The following LARGE1 variants were observed in gnomAD, a reference collection of about 807,000 sequenced individuals.
LARGE1 encodes the protein xylosyl- and glucuronyltransferase LARGE1.
A neutral mutation model predicts 87.6 loss-of-function variants in LARGE1; 43 were observed. That is an observed-to-expected ratio of 0.49 (90% CI 0.38 to 0.63). The LOEUF (loss-of-function observed/expected upper bound fraction) is 0.63. Among genes scored for constraint, LARGE1 ranks in the 30% least tolerant of loss-of-function variants. The pLI is 0.00. For synonymous variants in LARGE1, 434 were observed against 394.6 expected, an observed-to-expected ratio of 1.10 and a Z score of -1.18; for missense variants, 802 against 1,000.2, an observed-to-expected ratio of 0.80 and a Z score of 2.67.
At chr22:33,817,551 G>C (rs2086691889) in intron 1 of LARGE1, among the ~76,000 whole-genome samples, 2 of 152,044 alleles carry the variant, frequency 1.3e-5, no homozygotes, top group Admixed American at 6.6e-5. Flanking sequence ...CCAATCCACT[G>C]CAGAAAAGAG....
At chr22:33,303,815 G>GC (rs368485389) in intron 12 of LARGE1, among the ~76,000 whole-genome samples, 8 of 150,892 alleles carry the variant, frequency 5.3e-5, no homozygotes, top group Admixed American at 2.6e-4. Flanking sequence ...AGTAGGGGGG[G>GC]GGTTTCACCA....
the LARGE1 span, among the ~76,000 whole-genome samples, chr22:33,091,206 A>G: frequency 6.6e-6 from 1 of 152,248 alleles, no homozygotes; most frequent in African/African-American, 2.4e-5. Flanking sequence ...CTGCAGGTCT[A>G]TATATTTGAT....
chr22:33,413,393 A>T (rs112084271), intron 7 of LARGE1, among the ~76,000 whole-genome samples: 95 of 151,860 alleles, frequency 6.3e-4, no homozygotes, highest in African/African-American at 1.8e-3. Context: ...TATATATGCC[A>T]TATGATATCC....
downstream of LARGE1, among the ~76,000 whole-genome samples, chr22:33,158,503 C>T (rs1296614653): frequency 2.0e-5 from 3 of 152,024 alleles, no homozygotes; most frequent in South Asian, 2.1e-4. Flanking sequence ...TAACATCTTC[C>T]CTCTAGCTTT....
rs986185712 is a variant in LARGE1 at position 33,292,952 on chromosome 22, A to G, written c.1731-9604T>C. Among the ~76,000 whole-genome samples, 4 of 152,364 alleles carry G rather than the reference A, an allele frequency of 2.6e-5. No individual in the cohort carries two copies. The South Asian group carries it at 8.3e-4, about 32-fold the overall frequency. On this transcript the variant is annotated intron_variant, in intron 12 of 14. Coordinates refer to ENST00000397394, the MANE Select transcript of LARGE1 (RefSeq NM_133642.5). ...ACTAAGATAATATATTCATCAATTAATGAATATTAATGAAGCCAACACCTA... is the reference window on the plus strand; with the variant it reads ...ACTAAGATAATATATTCATCAATTAGTGAATATTAATGAAGCCAACACCTA...
intron 2 of LARGE1, among the ~76,000 whole-genome samples, chr22:33,740,547 T>G (rs9609862): frequency 6.6e-6 from 1 of 152,230 alleles, no homozygotes; most frequent in African/African-American, 2.4e-5. Context: ...GTCTTAATCT[T>G]AGTGTCTTTC....
At chr22:33,084,661 A>C in the LARGE1 span, among the ~76,000 whole-genome samples, 1 of 152,186 alleles carries the variant, frequency 6.6e-6, no homozygotes. Flanking sequence ...TCTCAAAAAA[A>C]ACAAAACAAA....
At chr22:33,259,869 T>C (rs1230395614) in intron 11 of LARGE1, among the ~76,000 whole-genome samples, 1 of 152,218 alleles carries the variant, frequency 6.6e-6, no homozygotes, top group Non-Finnish European at 1.5e-5. Flanking sequence ...ATCTACCACA[T>C]GCATCTGGTA....
At chr22:33,819,753 T>C (rs921671382) in intron 1 of LARGE1, among the ~76,000 whole-genome samples, 29 of 152,242 alleles carry the variant, frequency 1.9e-4, no homozygotes, top group African/African-American at 5.5e-4. Flanking sequence ...AAAATCTCTG[T>C]AACCCTAAGG....
At chr22:33,690,304 T>C (rs1440586935) in intron 2 of LARGE1, among the ~76,000 whole-genome samples, 1 of 152,172 alleles carries the variant, frequency 6.6e-6, no homozygotes, top group African/African-American at 2.4e-5. Flanking sequence ...GTTTCCTCCT[T>C]TATAAACTGA....
At chr22:33,505,280 G>A (rs2070708506) in intron 6 of LARGE1, among the ~76,000 whole-genome samples, 1 of 152,242 alleles carries the variant, frequency 6.6e-6, no homozygotes, top group South Asian at 2.1e-4. Context: ...TGTAGCCTCT[G>A]CAGAGGCTGG....
intron 11 of LARGE1, among the ~76,000 whole-genome samples, chr22:33,172,450 ACT>A (rs137349): frequency 0.7 from 103,777 of 149,224 alleles, 37,236 homozygotes; most frequent in African/African-American, 0.92. Context: ...TCCCCTGCTC[ACT>A]CTCTCTCTCT....
Position 33,743,780 on chromosome 22 carries a change from T to C in LARGE1, c.106+17591A>G, listed in dbSNP as rs539231235. 8.2e-4 allele frequency among the ~76,000 whole-genome samples: 125 copies of C among 152,358 alleles called. No homozygotes were observed. In the Middle Eastern group the frequency reaches 0.014, roughly 17 times the overall value. On this transcript the variant is annotated intron_variant, in intron 2 of 14. Coordinates refer to ENST00000397394, the MANE Select transcript of LARGE1 (RefSeq NM_133642.5). ...GTCCTCGACTTGTCACATGGCTATT[T>C]AGTGATGAAGTTCATTATTCTACAA...
intron 4 of LARGE1, among the ~76,000 whole-genome samples, chr22:33,625,622 T>C (rs977375377): frequency 6.6e-6 from 1 of 152,216 alleles, no homozygotes; most frequent in Non-Finnish European, 1.5e-5. Flanking sequence ...AGACATTTAT[T>C]TTCCCACTGT....
chr22:33,401,700 C>T (rs867633536), intron 7 of LARGE1, among the ~76,000 whole-genome samples: 2 of 152,248 alleles, frequency 1.3e-5, no homozygotes, highest in South Asian at 2.1e-4. Flanking sequence ...AGATTATAGA[C>T]GTAGGGAGAG....
Position 33,248,189 on chromosome 22 carries a change from A to G in LARGE1, c.1730+56040T>C, listed in dbSNP as rs371705526. Among the ~76,000 whole-genome samples the G allele has an allele frequency of 2.0e-5, 3 of 151,640 alleles. No homozygotes were observed. In the East Asian group the frequency reaches 5.8e-4, roughly 29 times the overall value. On this transcript the variant is annotated intron_variant, in intron 11 of 11. Transcript: ENST00000608642. ...GCCACCTTCCCCAACACTTGTAGAC[A>G]TTTTTTTTATTTTTTTGAGATGGAG...
Position 33,686,981 on chromosome 22 carries a change from C to T in LARGE1, c.107-36313G>A, listed in dbSNP as rs573995199. Among the ~76,000 whole-genome samples, 81 of 152,310 alleles carry T rather than the reference C, an allele frequency of 5.3e-4. 1 individual carries two copies. The highest frequency in any genetic ancestry group is 6.8e-3 in the Middle Eastern group (2 of 294). ...TCCTTGCTAGCATCTGTGAGGCCCCCGATCACGGATGCTGACCTAACTCTC... is the reference window on the plus strand; with the variant it reads ...TCCTTGCTAGCATCTGTGAGGCCCCTGATCACGGATGCTGACCTAACTCTC... On this transcript the variant is annotated intron_variant, in intron 2 of 14. Coordinates refer to ENST00000397394, the MANE Select transcript of LARGE1 (RefSeq NM_133642.5).
intron 11 of LARGE1, among the ~76,000 whole-genome samples, chr22:33,200,603 C>T (rs1924332375): frequency 6.6e-6 from 1 of 152,206 alleles, no homozygotes; most frequent in African/African-American, 2.4e-5. Flanking sequence ...TGTTCATCCA[C>T]TGATGAATGA....
At chr22:33,813,713 G>A (rs2086568935) in intron 1 of LARGE1, among the ~76,000 whole-genome samples, 1 of 152,114 alleles carries the variant, frequency 6.6e-6, no homozygotes, top group African/African-American at 2.4e-5. Flanking sequence ...AGTGAAGACA[G>A]GAAGCCCAGG....
Sources: gnomAD v4.1 joint callset for allele counts (sites outside exome capture counted in the v4.1 genomes callset) on GRCh38, gnomAD v4.1.1 for gene constraint, MANE v1.5 for transcripts, NCBI Gene and HGNC (gene_info 2026-07-23, HGNC 2026-07-21) for gene names.